The following PAICS variants were observed in gnomAD, a reference collection of about 807,000 sequenced individuals.
The protein encoded by PAICS is bifunctional phosphoribosylaminoimidazole carboxylase/phosphoribosylaminoimidazole succinocarboxamide synthetase.
In PAICS, 33 loss-of-function variants were observed where a neutral mutation model predicts 53.7. The ratio of observed to expected loss-of-function variants is 0.61; its 90% CI spans 0.47 to 0.82. PAICS has a LOEUF of 0.82. Ranked by LOEUF, PAICS falls within the 40% of genes least tolerant of loss-of-function variation. The pLI is 0.00. For synonymous variants in PAICS, 141 were observed against 167.2 expected (o/e 0.84, Z 1.21); for missense variants, 394 against 494.1 (o/e 0.80, Z 1.92).
chr4:56,431,031 C>G (rs566322175), upstream of PAICS, among the ~76,000 whole-genome samples: 1 of 151,882 alleles, frequency 6.6e-6, no homozygotes, highest in African/African-American at 2.4e-5. Context: ...ATTGAAAACA[C>G]TTATTTTAAA....
rs1235686192 is a variant in PAICS at position 56,462,347 on chromosome 4, TC to T, written c.*2810del. 6.6e-6 allele frequency: 1 copy of T among 152,190 alleles called. No homozygotes were observed. The highest frequency in any genetic ancestry group is 1.5e-5 in the Non-Finnish European group (1 of 68,044). The allele number at this position is 152,190 out of a possible 1,614,324, so 9.4% of individuals were successfully genotyped here. ...GAAGACAATATAAGCAAAGGCTACA[TC>T]ACTTAGGGCCTATAGGCCACACTGA... On this transcript the variant is annotated 3_prime_UTR_variant, in exon 9 of 9. Coordinates refer to ENST00000512576, the MANE Select transcript of PAICS (RefSeq NM_001079524.2).
Position 56,448,486 on chromosome 4 carries a change from A to G in PAICS, c.462A>G (p.Gly154=). ...TTGCTGCAAAATTTTGCTTTGCTGGACTTCTTATAGGCCAGACTGAAGTGG... is the reference window on the plus strand; with the variant it reads ...TTGCTGCAAAATTTTGCTTTGCTGGGCTTCTTATAGGCCAGACTGAAGTGG... ...QLIAAKFCFA[G]LLIGQTEVDI... The change falls in exon 4 of 9, where the codon GGA becomes GGG. Residue 154 remains glycine, a synonymous_variant. Transcript: ENST00000512576. 1 of 1,612,658 alleles carries G rather than the reference A, an allele frequency of 6.2e-7. No homozygotes were observed. The highest frequency in any genetic ancestry group is 8.5e-7 in the Non-Finnish European group (1 of 1,178,960).
chr4:56,432,331 C>A (rs140129596), upstream of PAICS, among the ~76,000 whole-genome samples: 1 of 152,002 alleles, frequency 6.6e-6, no homozygotes. Flanking sequence ...AGTTCAAGAC[C>A]AGCCTGGTCA....
chr4:56,422,828 T>TCC, the PAICS span: 1 of 152,192 alleles, frequency 6.6e-6, no homozygotes, highest in Admixed American at 6.5e-5. Context: ...GAAGCAATGT[T>TCC]CCCCATCGCT....
chr4:56,452,690 C>T lies in PAICS; in HGVS notation c.952+638C>T, dbSNP rs146138532. Among the ~76,000 whole-genome samples, 1,311 of 152,224 alleles carry T rather than the reference C, an allele frequency of 8.6e-3. 15 individuals carry two copies. The highest frequency in any genetic ancestry group is 8.5e-3 in the Non-Finnish European group (581 of 68,004). ...AATAGGCCCCCACAGTTACAGGAGG[C>T]GGGAGGTTAAAATAGCCGGTTCTCC... On this transcript the variant is annotated intron_variant, in intron 7 of 8. Coordinates refer to ENST00000512576, the MANE Select transcript of PAICS (RefSeq NM_001079524.2).
chr4:56,426,060 C>T, the PAICS span, among the ~76,000 whole-genome samples: 51,620 of 151,976 alleles, frequency 0.34, 9,374 homozygotes, highest in Non-Finnish European at 0.41. Context: ...CACAGTTATA[C>T]AATAATCACC....
chr4:56,419,862 C>G, the PAICS span: 1 of 984,676 alleles, frequency 1.0e-6, no homozygotes, highest in Non-Finnish European at 1.2e-6. Flanking sequence ...ATACAAAAAC[C>G]TAAAACACGA....
intron 1 of PAICS, among the ~76,000 whole-genome samples, chr4:56,437,574 G>A (rs1201265408): frequency 4.6e-5 from 7 of 151,850 alleles, no homozygotes; most frequent in Non-Finnish European, 8.8e-5. Context: ...GTAATCCCCA[G>A]CACTTTGGGA....
the PAICS span, among the ~76,000 whole-genome samples, chr4:56,411,281 G>GT: frequency 2.8e-4 from 42 of 152,240 alleles, 1 homozygote; most frequent in South Asian, 7.1e-3. Flanking sequence ...CTCAACTGAT[G>GT]TTTTTCCACA....
Position 56,448,784 on chromosome 4 carries a change from C to G in PAICS, c.648C>G (p.Leu216=), listed in dbSNP as rs190379455. ...ADVIDNDSWR[L]WPSGDRSQQK... is the part of the protein sequence containing the mutation. ...TTATTGACAATGATTCCTGGAGACT[C>G]TGGCCATCAGGAGATCGAAGCCAAC... Residue 216 remains leucine (L), a synonymous_variant, in exon 5 of 9, where the codon CTC becomes CTG. Transcript: ENST00000512576. The G allele has an allele frequency of 4.6e-3, 7,395 of 1,595,324 alleles. 25 individuals carry two copies. The highest frequency in any genetic ancestry group is 6.6e-3 in the Middle Eastern group (39 of 5,912).
chr4:56,416,529 G>T, the PAICS span: 1 of 160,370 alleles, frequency 6.2e-6, no homozygotes, highest in Admixed American at 6.5e-5. Flanking sequence ...AATTTTTCCT[G>T]GAAGAAACAC....
the PAICS span, chr4:56,410,929 G>GA: frequency 5.1e-6 from 2 of 390,662 alleles, no homozygotes; most frequent in African/African-American, 9.0e-5. Context: ...AAAAAAAAAA[G>GA]AAAAGTACTC....
intron 7 of PAICS, among the ~76,000 whole-genome samples, chr4:56,452,462 A>T (rs1479995175): frequency 6.6e-6 from 1 of 152,242 alleles, no homozygotes; most frequent in East Asian, 1.9e-4. Flanking sequence ...GGCATGAGCC[A>T]CCACGCCTGG....
the PAICS span, chr4:56,425,396 A>G: frequency 2.2e-6 from 2 of 904,130 alleles, no homozygotes; most frequent in Non-Finnish European, 2.6e-6. Context: ...AGAAGAACTT[A>G]TTACTAAAAC....
the PAICS span, chr4:56,422,125 T>A: frequency 1.3e-5 from 2 of 151,856 alleles, no homozygotes; most frequent in Non-Finnish European, 2.9e-5. Context: ...ACACAAAAAA[T>A]TAGCTAGGTG....
chr4:56,456,725 C>T (rs1330404985), intron 8 of PAICS, among the ~76,000 whole-genome samples: 2 of 130,812 alleles, frequency 1.5e-5, no homozygotes, highest in Admixed American at 7.8e-5. Context: ...TTTTTTTTTA[C>T]ACAATGTTTT....
the PAICS span, among the ~76,000 whole-genome samples, chr4:56,430,090 C>T: frequency 6.6e-6 from 1 of 152,088 alleles, no homozygotes; most frequent in Non-Finnish European, 1.5e-5. Flanking sequence ...GTGAAACCCC[C>T]CATCTCAATA....
chr4:56,432,008 C>T (rs1408168127), upstream of PAICS, among the ~76,000 whole-genome samples: 7 of 152,158 alleles, frequency 4.6e-5, no homozygotes, highest in Non-Finnish European at 8.8e-5. Flanking sequence ...CTACTAAAAA[C>T]GGGGAGTACA....
At chr4:56,425,611 TCAA>T in the PAICS span, among the ~76,000 whole-genome samples, 1 of 152,190 alleles carries the variant, frequency 6.6e-6, no homozygotes, top group South Asian at 2.1e-4. Flanking sequence ...GCACAAAGCA[TCAA>T]CAACCTTTGG....
Sources: gnomAD v4.1 joint callset for allele counts (sites outside exome capture counted in the v4.1 genomes callset) on GRCh38, gnomAD v4.1.1 for gene constraint, MANE v1.5 for transcripts, NCBI Gene and HGNC (gene_info 2026-07-23, HGNC 2026-07-21) for gene names.